Variants in ZMYND11 observed in about 807,000 individuals in gnomAD.
ZMYND11 encodes the protein zinc finger MYND domain-containing protein 11.
Under a neutral mutation model 84.9 loss-of-function variants are expected in ZMYND11, and 9 were observed. The observed-to-expected ratio is 0.11, with a 90% CI of 0.06 to 0.18. ZMYND11 has a LOEUF of 0.18. Among genes scored for constraint, ZMYND11 ranks in the 10% least tolerant of loss-of-function variants. The pLI is 1.00. For missense variants in ZMYND11, 409 were observed against 761.0 expected, an observed-to-expected ratio of 0.54 and a Z score of 5.44; for synonymous variants, 250 against 244.1, an observed-to-expected ratio of 1.02 and a Z score of -0.23.
At chr10:152,360 G>C (rs112040881) in intron 1 of ZMYND11, among the ~76,000 whole-genome samples, 4 of 152,170 alleles carry the variant, frequency 2.6e-5, no homozygotes, top group African/African-American at 9.7e-5. Context: ...AAAATAAAGG[G>C]ATGGAGGAAG....
chr10:134,122 T>C (rs1416613976), upstream of ZMYND11, among the ~76,000 whole-genome samples: 1 of 152,188 alleles, frequency 6.6e-6, no homozygotes, highest in Non-Finnish European at 1.5e-5. Context: ...TACACTACGT[T>C]TTCTCCTATA....
At chr10:206,841 A>AT (rs904769938) in intron 2 of ZMYND11, among the ~76,000 whole-genome samples, 12 of 151,632 alleles carry the variant, frequency 7.9e-5, no homozygotes, top group East Asian at 3.9e-4. Flanking sequence ...TATTTTTTTA[A>AT]TTTTTTTATT....
chr10:204,470 C>T (rs1943785169), intron 2 of ZMYND11, among the ~76,000 whole-genome samples: 1 of 151,624 alleles, frequency 6.6e-6, no homozygotes, highest in Non-Finnish European at 1.5e-5. Context: ...TAGTTTGTAC[C>T]CAAAGAATTT....
At position 202,211 on chromosome 10, in the gene ZMYND11, C is replaced by T. The variant is rs185525212; in HGVS notation, c.117-7678C>T. On this transcript the variant is annotated intron_variant, in intron 2 of 14. Transcript: ENST00000381604. ...TATCAAATATATTTGGCCTGTAATA[C>T]GCAGTAGGATCACAGTACTCCTCTA... 1.3e-4 allele frequency among the ~76,000 whole-genome samples: 20 copies of T among 152,230 alleles called. No homozygotes were observed. In the East Asian group the frequency reaches 2.9e-3, roughly 22 times the overall value.
intron 2 of ZMYND11, among the ~76,000 whole-genome samples, chr10:187,254 C>T (rs1220720298): frequency 3.9e-5 from 6 of 151,986 alleles, no homozygotes. Context: ...AACAAAAAAA[C>T]CCTGCAAGTC....
At chr10:180,155 C>T in intron 2 of ZMYND11, 27 bp downstream of exon 2, 2 of 1,574,800 alleles carry the variant, frequency 1.3e-6, no homozygotes, top group Non-Finnish European at 1.7e-6. Context: ...ACAAATATCT[C>T]TGTAAAATGT....
In ZMYND11 at chr10:253,129, G is replaced by A. The variant is rs935817416; in HGVS notation, c.*659G>A. ...TTTGATCTTGTAGTTTAAAATTGCA[G>A]GGAACTGGGGTAATCTTTTACTGAG... On this transcript the variant is annotated 3_prime_UTR_variant, in exon 15 of 15. Transcript: ENST00000381604. The A allele has an allele frequency of 3.3e-5, 5 of 152,544 alleles. No individual in the cohort carries two copies. Among genetic ancestry groups the A allele is most frequent in the African/African-American group, 1.2e-4 (5 of 41,422 alleles). The allele number at this position is 152,544 out of a possible 1,614,324, so 9.4% of individuals were successfully genotyped here.
intron 2 of ZMYND11, among the ~76,000 whole-genome samples, chr10:186,083 C>T (rs1184702350): frequency 6.6e-6 from 1 of 151,122 alleles, no homozygotes; most frequent in African/African-American, 2.4e-5. Flanking sequence ...GATCTCGGCT[C>T]ACTGCAAGCT....
At chr10:152,929 A>G (rs1026086839) in intron 1 of ZMYND11, among the ~76,000 whole-genome samples, 5 of 152,222 alleles carry the variant, frequency 3.3e-5, no homozygotes, top group Non-Finnish European at 7.3e-5. Context: ...GCTCAACTAC[A>G]TGGAAACTGA....
intron 2 of ZMYND11, among the ~76,000 whole-genome samples, chr10:203,830 T>C (rs1278298476): frequency 6.6e-6 from 1 of 152,188 alleles, no homozygotes; most frequent in Non-Finnish European, 1.5e-5. Flanking sequence ...TAGAACTCTT[T>C]TGTGCACATC....
chr10:248,449 A>C lies in ZMYND11; in HGVS notation c.1341A>C (p.Ser447=), dbSNP rs746196313. The C allele has an allele frequency of 6.2e-7, 1 of 1,614,076 alleles. No homozygotes were observed. The highest frequency in any genetic ancestry group is 1.3e-5 in the African/African-American group (1 of 74,926). Residue 447 remains serine, a synonymous_variant, in exon 13 of 15, where the codon TCA becomes TCC. Transcript: ENST00000381604. ...STQTKKLSAS[S]PRMLHRSTQT... is the part of the protein sequence containing the mutation. ...AGACAAAGAAGTTAAGTGCCTCTTC[A>C]CCAAGAATGCTGCATCGGAGCACCC... is the stretch of plus-strand genomic sequence containing the variant.
At position 248,478 on chromosome 10, in the gene ZMYND11, C is replaced by G; in HGVS notation, c.1370C>G (p.Thr457Ser). ...AGAATGCTGCATCGGAGCACCCAGACCACAAACGACGGCGTGTGTCAGAGC... is the reference window on the plus strand; with the variant it reads ...AGAATGCTGCATCGGAGCACCCAGAGCACAAACGACGGCGTGTGTCAGAGC... ...SPRMLHRSTQ[T>S]TNDGVCQSMC... The change falls in exon 13 of 15, where the codon ACC (threonine) becomes AGC (serine). Residue 457 changes from threonine (T) to serine (S), a missense_variant. Thr to Ser is a moderately conservative substitution (Grantham distance 58, BLOSUM62 1). This residue lies in a region of ZMYND11 where 141 missense variants were observed against 173.8 expected (regional missense o/e 0.81). Transcript: ENST00000381604. The G allele has an allele frequency of 6.2e-7, 1 of 1,614,168 alleles. No individual in the cohort carries two copies. Among genetic ancestry groups the G allele is most frequent in the Non-Finnish European group, 8.5e-7 (1 of 1,180,038 alleles).
intron 1 of ZMYND11, among the ~76,000 whole-genome samples, chr10:141,003 T>A (rs1837377865): frequency 6.6e-6 from 1 of 152,250 alleles, no homozygotes; most frequent in East Asian, 1.9e-4. Flanking sequence ...TCGATCTGTT[T>A]GTTTTTCAGA....
intron 1 of ZMYND11, among the ~76,000 whole-genome samples, chr10:137,202 CTGTCATATTCAGGG>C (rs1554752504): frequency 1.3e-5 from 2 of 152,030 alleles, no homozygotes; most frequent in African/African-American, 4.8e-5. Context: ...ACAGTACCCA[CTGTCATATTCAGGG>C]TATCTAGTAC....
chr10:204,153 T>C (rs183967588), intron 2 of ZMYND11, among the ~76,000 whole-genome samples: 1 of 152,306 alleles, frequency 6.6e-6, no homozygotes, highest in Admixed American at 6.5e-5. Context: ...CTATAATTTA[T>C]AGATACAATC....
At chr10:175,215 G>A (rs1554766678) in intron 1 of ZMYND11, among the ~76,000 whole-genome samples, 2 of 152,188 alleles carry the variant, frequency 1.3e-5, no homozygotes, top group Non-Finnish European at 2.9e-5. Flanking sequence ...GGGCCAGGGA[G>A]TATGTGGGAG....
chr10:246,034 A>G (rs925940057), intron 10 of ZMYND11, among the ~76,000 whole-genome samples: 1 of 152,196 alleles, frequency 6.6e-6, no homozygotes, highest in African/African-American at 2.4e-5. Flanking sequence ...GTTGAACACA[A>G]CATTTGGGAT....
At chr10:154,007 A>G (rs1171255225) in intron 1 of ZMYND11, among the ~76,000 whole-genome samples, 5 of 152,318 alleles carry the variant, frequency 3.3e-5, no homozygotes, top group African/African-American at 1.2e-4. Context: ...CTGTGTAAAG[A>G]GACCATGAAT....
chr10:208,213 T>A (rs1944534024), intron 2 of ZMYND11, among the ~76,000 whole-genome samples: 1 of 152,326 alleles, frequency 6.6e-6, no homozygotes, highest in Admixed American at 6.5e-5. Context: ...AACCTAGGCC[T>A]TACCATTCAG....
Sources: allele counts gnomAD v4.1 joint callset (sites outside exome capture counted in the v4.1 genomes callset), GRCh38; gene constraint gnomAD v4.1.1; regional missense constraint gnomAD v4.1.1; transcripts MANE v1.5; gene names NCBI Gene and HGNC (gene_info 2026-07-23, HGNC 2026-07-21).